The following RBPJ variants were observed in gnomAD, a reference collection of about 807,000 sequenced individuals.
The protein encoded by RBPJ is recombination signal binding protein for immunoglobulin kappa J region.
RBPJ carries 9 observed loss-of-function variants against 67.8 expected under a neutral mutation model. The observed-to-expected ratio is 0.13, with a 90% CI of 0.08 to 0.23. The LOEUF is 0.23. Among genes scored for constraint, RBPJ ranks in the 10% least tolerant of loss-of-function variants. The pLI, the probability that RBPJ is intolerant of heterozygous loss-of-function variation, is 1.00. For missense variants in RBPJ, 305 were observed against 595.6 expected (o/e 0.51, Z 5.08); for synonymous variants, 198 against 203.3 (o/e 0.97, Z 0.22).
chr4:26,160,269 A>G (rs2109105770), upstream of RBPJ, among the ~76,000 whole-genome samples: 1 of 152,324 alleles, frequency 6.6e-6, no homozygotes, highest in African/African-American at 2.4e-5. Flanking sequence ...CATCACCTGC[A>G]ATTCATTTCA....
chr4:26,320,778 C>T, upstream of RBPJ: 1 of 1,554,948 alleles, frequency 6.4e-7, no homozygotes, highest in Non-Finnish European at 8.7e-7. Flanking sequence ...GGAGGGCTCG[C>T]CCGCGGAGGA....
chr4:26,397,523 G>T (rs1405730683), intron 2 of RBPJ, among the ~76,000 whole-genome samples: 1 of 152,182 alleles, frequency 6.6e-6, no homozygotes, highest in Admixed American at 6.5e-5. Context: ...AAAATTGTCT[G>T]CAGGGATCAA....
At chr4:26,359,942 T>C (rs1246067654) in intron 1 of RBPJ, among the ~76,000 whole-genome samples, 3 of 152,208 alleles carry the variant, frequency 2.0e-5, no homozygotes, top group Non-Finnish European at 4.4e-5. Context: ...TTCATAAATA[T>C]TGTGTGTTGT....
At chr4:26,191,839 C>T (rs896464723) in intron 1 of RBPJ, among the ~76,000 whole-genome samples, 3 of 152,110 alleles carry the variant, frequency 2.0e-5, no homozygotes, top group African/African-American at 7.2e-5. Flanking sequence ...GTGAACCACG[C>T]TTATCAGTTA....
intron 1 of RBPJ, among the ~76,000 whole-genome samples, chr4:26,358,789 A>G (rs13139277): frequency 0.5 from 75,564 of 151,568 alleles, 20,042 homozygotes; most frequent in Admixed American, 0.62. Flanking sequence ...TCTCTTAAAA[A>G]AAAAAAAAAG....
the RBPJ span, among the ~76,000 whole-genome samples, chr4:26,106,251 A>G: frequency 1.3e-5 from 2 of 152,252 alleles, no homozygotes; most frequent in Admixed American, 1.3e-4. Flanking sequence ...TTTCCAGGCT[A>G]TCTTGCAATA....
the RBPJ span, among the ~76,000 whole-genome samples, chr4:26,131,666 G>A: frequency 1.3e-5 from 2 of 152,228 alleles, no homozygotes; most frequent in African/African-American, 4.8e-5. Context: ...GGCCCTAAAT[G>A]TAATCACAGG....
chr4:26,390,793 A>G (rs1731417954), intron 2 of RBPJ, among the ~76,000 whole-genome samples: 1 of 152,220 alleles, frequency 6.6e-6, no homozygotes, highest in Non-Finnish European at 1.5e-5. Context: ...GATGGTTCAC[A>G]CCTATAATCC....
At chr4:26,249,966 A>G (rs1720051803) in intron 1 of RBPJ, among the ~76,000 whole-genome samples, 1 of 151,280 alleles carries the variant, frequency 6.6e-6, no homozygotes, top group Non-Finnish European at 1.5e-5. Context: ...TTGTATTTTT[A>G]GTAGAGACGG....
upstream of RBPJ, among the ~76,000 whole-genome samples, chr4:26,317,502 T>C (rs932774728): frequency 1.3e-5 from 2 of 151,982 alleles, no homozygotes; most frequent in Admixed American, 1.3e-4. Context: ...TAAGTCCTCA[T>C]AGTGAAATGG....
intron 2 of RBPJ, among the ~76,000 whole-genome samples, chr4:26,400,926 T>C (rs1732714188): frequency 6.6e-6 from 1 of 152,240 alleles, no homozygotes; most frequent in Admixed American, 6.5e-5. Context: ...TGGATAGTTG[T>C]GCACTTTACC....
At position 26,424,935 on chromosome 4, in the gene RBPJ, T is replaced by G. The variant is rs1735486859; in HGVS notation, c.747+192T>G. 2.1e-6 allele frequency: 1 copy of G among 466,928 alleles called. No homozygotes were observed. Among genetic ancestry groups the G allele is most frequent in the African/African-American group, 2.0e-5 (1 of 49,552 alleles). 28.9% of individuals were successfully genotyped at this position (466,928 alleles called of 1,614,324 possible). Reference sequence around the variant, plus strand: ...TTATTTCAGAAATGCTTTAAGGTAATAGCCAGTTTTTACAAGTACATTCTT... The same window carrying G: ...TTATTTCAGAAATGCTTTAAGGTAAGAGCCAGTTTTTACAAGTACATTCTT... On this transcript the variant is annotated intron_variant, in intron 7 of 10. Transcript: ENST00000355476. This position sits in a 1 kb window ranked among gnomAD's most constrained non-coding sequence, Gnocchi z 5.3.
In RBPJ at chr4:26,434,723, C is replaced by T. The variant is rs566947515; in HGVS notation, c.*3716C>T. Reference sequence around the variant, plus strand: ...TTCTTGTACCTTGCAGCATGCTCTACGCATTCAGTCCTTAAGGGGTTTATT... The same window carrying T: ...TTCTTGTACCTTGCAGCATGCTCTATGCATTCAGTCCTTAAGGGGTTTATT... On this transcript the variant is annotated 3_prime_UTR_variant, in exon 11 of 11. Coordinates refer to ENST00000355476, the MANE Select transcript of RBPJ (RefSeq NM_015874.6). 7 of 152,236 alleles carry T rather than the reference C, an allele frequency of 4.6e-5. No individual in the cohort carries two copies. The highest frequency in any genetic ancestry group is 2.1e-4 in the South Asian group (1 of 4,830). The allele number at this position is 152,236 out of a possible 1,614,324, so 9.4% of individuals were successfully genotyped here. A position where few individuals can be genotyped will look rare whatever the true frequency, so the allele number is the denominator to read the frequency against.
At chr4:26,177,499 C>A in intron 1 of RBPJ, among the ~76,000 whole-genome samples, 1 of 152,078 alleles carries the variant, frequency 6.6e-6, no homozygotes, top group Admixed American at 6.6e-5. Context: ...ATCGCTTGAA[C>A]CCGAGAGGTG....
chr4:26,372,045 G>A (rs961108833), intron 1 of RBPJ, among the ~76,000 whole-genome samples: 1 of 152,158 alleles, frequency 6.6e-6, no homozygotes, highest in Admixed American at 6.5e-5. Flanking sequence ...CTGCCTCTCA[G>A]GATTGTTAAT....
the RBPJ span, among the ~76,000 whole-genome samples, chr4:26,114,256 C>T: frequency 1.5e-4 from 23 of 151,844 alleles, no homozygotes; most frequent in African/African-American, 3.1e-4. Flanking sequence ...GTCAGGAGTT[C>T]GAGACCAGCC....
rs1454099133 is a variant in RBPJ, at chr4:26,430,240, T to C, written c.1045-179T>C. ...TAGGAGGAGCGTACTTGCCAGAAAATTTAAATGTAAATAAACTTGTATGTT... is the reference window on the plus strand; with the variant it reads ...TAGGAGGAGCGTACTTGCCAGAAAACTTAAATGTAAATAAACTTGTATGTT... On this transcript the variant is annotated intron_variant, in intron 9 of 10. Transcript: ENST00000355476. The surrounding 1 kb of genome is among the most constrained non-coding windows in gnomAD (Gnocchi z 4.1). The C allele has an allele frequency of 1.2e-6, 1 of 866,630 alleles. No individual in the cohort carries two copies. Among genetic ancestry groups the C allele is most frequent in the South Asian group, 1.7e-5 (1 of 60,188 alleles). The allele number at this position is 866,630 out of a possible 1,614,324, so 53.7% of individuals were successfully genotyped here.
At chr4:26,250,702 T>C (rs1489706765) in intron 1 of RBPJ, among the ~76,000 whole-genome samples, 3 of 152,236 alleles carry the variant, frequency 2.0e-5, no homozygotes, top group African/African-American at 7.2e-5. Flanking sequence ...CATGTGTTGA[T>C]AGACACTTAG....
At chr4:26,169,385 G>T (rs1288597095) in intron 1 of RBPJ, among the ~76,000 whole-genome samples, 3 of 152,204 alleles carry the variant, frequency 2.0e-5, no homozygotes, top group African/African-American at 7.2e-5. Context: ...GCAGAACCTC[G>T]GATTTTCATG....
Sources: allele counts gnomAD v4.1 joint callset (sites outside exome capture counted in the v4.1 genomes callset), GRCh38; gene constraint gnomAD v4.1.1; non-coding constraint Gnocchi (gnomAD v3.1); transcripts MANE v1.5; gene names NCBI Gene and HGNC (gene_info 2026-07-23, HGNC 2026-07-21).